AFG2A: variants seen among roughly 807,000 people sequenced by gnomAD.
AFG2A encodes ATPase family gene 2 protein homolog A.
At chr4:123,255,989 A>T in the AFG2A span, 4 of 1,612,938 alleles carry the variant, frequency 2.5e-6, no homozygotes, top group Non-Finnish European at 3.4e-6. Flanking sequence ...AGCCCAGTTA[A>T]TTCATGTTGC....
At chr4:122,923,122 C>T in the AFG2A span, 11 of 1,613,392 alleles carry the variant, frequency 6.8e-6, no homozygotes, top group Admixed American at 3.3e-5. Context: ...TCTACTGCTT[C>T]GGCTAGGGTA....
At chr4:123,143,247 G>T in the AFG2A span, among the ~76,000 whole-genome samples, 4 of 150,584 alleles carry the variant, frequency 2.7e-5, no homozygotes, top group African/African-American at 9.7e-5. Context: ...TTAAGTTGTT[G>T]TACCTTCAAT....
chr4:123,209,586 ATTTTTTT>A, the AFG2A span, among the ~76,000 whole-genome samples: 3 of 116,296 alleles, frequency 2.6e-5, no homozygotes, highest in African/African-American at 6.5e-5. Flanking sequence ...TGCATCAAGA[ATTTTTTT>A]TTTTTTTTTT....
the AFG2A span, among the ~76,000 whole-genome samples, chr4:122,946,517 T>C: frequency 6.6e-6 from 1 of 152,200 alleles, no homozygotes; most frequent in Non-Finnish European, 1.5e-5. Flanking sequence ...GAGCTTTTTT[T>C]AAATTTTTTT....
the AFG2A span, chr4:123,056,376 T>A: frequency 2.5e-6 from 4 of 1,608,950 alleles, no homozygotes; most frequent in Non-Finnish European, 3.4e-6. Context: ...AGTTGTTTTC[T>A]TTTCATGCAG....
the AFG2A span, among the ~76,000 whole-genome samples, chr4:122,996,868 A>G: frequency 1.2e-4 from 19 of 152,268 alleles, no homozygotes; most frequent in Non-Finnish European, 2.5e-4. Context: ...TAGAGTCCCA[A>G]TATCCAAGGA....
chr4:123,282,145 G>C, the AFG2A span, among the ~76,000 whole-genome samples: 1 of 152,192 alleles, frequency 6.6e-6, no homozygotes, highest in East Asian at 1.9e-4. Flanking sequence ...TGGGAACTCT[G>C]TACTTTATGC....
the AFG2A span, among the ~76,000 whole-genome samples, chr4:123,261,822 C>G: frequency 6.6e-6 from 1 of 152,042 alleles, no homozygotes. Flanking sequence ...TTCTATTGCC[C>G]AGGCTGGAGT....
At chr4:123,050,783 C>T in the AFG2A span, among the ~76,000 whole-genome samples, 4 of 149,396 alleles carry the variant, frequency 2.7e-5, no homozygotes, top group South Asian at 2.1e-4. Context: ...TTCGCCCTTT[C>T]GCCCAGACTG....
the AFG2A span, among the ~76,000 whole-genome samples, chr4:123,102,798 C>CTGTGTGTGTGTGTGTGTGTG: frequency 4.2e-5 from 6 of 141,228 alleles, no homozygotes; most frequent in African/African-American, 1.0e-4. Flanking sequence ...TCCTGGCATT[C>CTGTGTGTGTGTGTGTGTGTG]TGTGTGTGTG....
chr4:123,116,663 G>A, the AFG2A span, among the ~76,000 whole-genome samples: 23,135 of 152,154 alleles, frequency 0.15, 2,154 homozygotes, highest in East Asian at 0.45. Flanking sequence ...TATAAATAAA[G>A]GGAAGTTTTG....
the AFG2A span, among the ~76,000 whole-genome samples, chr4:123,190,804 G>A: frequency 6.6e-6 from 1 of 152,152 alleles, no homozygotes; most frequent in Admixed American, 6.6e-5. Context: ...TGTGAAGAAT[G>A]TTATTAAGCC....
At chr4:123,124,806 A>G in the AFG2A span, among the ~76,000 whole-genome samples, 6 of 152,226 alleles carry the variant, frequency 3.9e-5, no homozygotes, top group South Asian at 4.1e-4. Context: ...AGGCATTCCA[A>G]ATGATTTGCT....
chr4:123,289,973 C>A, the AFG2A span, among the ~76,000 whole-genome samples: 1 of 152,022 alleles, frequency 6.6e-6, no homozygotes, highest in Non-Finnish European at 1.5e-5. Context: ...AGTATTAAAC[C>A]CAGTATGCAT....
chr4:123,064,635 C>T, the AFG2A span, among the ~76,000 whole-genome samples: 1 of 152,312 alleles, frequency 6.6e-6, no homozygotes, highest in South Asian at 2.1e-4. Context: ...AGGGTTGGCC[C>T]AGTCTCCTCT....
At chr4:123,184,162 A>G in the AFG2A span, among the ~76,000 whole-genome samples, 4 of 152,142 alleles carry the variant, frequency 2.6e-5, no homozygotes, top group African/African-American at 9.7e-5. Flanking sequence ...ATGTAAAAAT[A>G]TGAGATATAC....
chr4:122,952,291 C>G, the AFG2A span, among the ~76,000 whole-genome samples: 1 of 152,156 alleles, frequency 6.6e-6, no homozygotes, highest in African/African-American at 2.4e-5. Flanking sequence ...ACATCTAGTT[C>G]ACAGGCTGTC....
At chr4:123,140,516 AG>A in the AFG2A span, among the ~76,000 whole-genome samples, 16 of 151,538 alleles carry the variant, frequency 1.1e-4, no homozygotes, top group African/African-American at 3.9e-4. Context: ...TTTTTAAAAA[AG>A]CGATTCTTTC....
the AFG2A span, among the ~76,000 whole-genome samples, chr4:123,140,906 A>C: frequency 6.6e-6 from 1 of 152,198 alleles, no homozygotes; most frequent in Non-Finnish European, 1.5e-5. Flanking sequence ...TACTAAAAAA[A>C]ATGCTCGTGT....
Sources: gnomAD v4.1 joint callset for allele counts (sites outside exome capture counted in the v4.1 genomes callset) on GRCh38, gnomAD v4.1.1 for gene constraint, MANE v1.5 for transcripts, NCBI Gene and HGNC (gene_info 2026-07-23, HGNC 2026-07-21) for gene names.